The following KAT6A variants were observed in gnomAD, a reference collection of about 807,000 sequenced individuals.
The protein encoded by KAT6A is lysine acetyltransferase 6A.
Under a neutral mutation model 198.4 loss-of-function variants are expected in KAT6A, and 9 were observed. The observed-to-expected ratio is 0.05, with a 90% confidence interval of 0.03 to 0.08. The LOEUF (loss-of-function observed/expected upper bound fraction) is 0.08. Among genes scored for constraint, KAT6A ranks in the 10% least tolerant of loss-of-function variants. The pLI, the probability that KAT6A is intolerant of heterozygous loss-of-function variation, is 1.00. For missense variants in KAT6A, 2,077 were observed against 2,509.9 expected, an observed-to-expected ratio of 0.83 and a Z score of 3.69; for synonymous variants, 890 against 883.0, an observed-to-expected ratio of 1.01 and a Z score of -0.14.
chr8:41,939,685 C>T (rs188799668), intron 15 of KAT6A, among the ~76,000 whole-genome samples: 1 of 152,290 alleles, frequency 6.6e-6, no homozygotes, highest in African/African-American at 2.4e-5. Context: ...ACCAGTCATT[C>T]TCAAAACTAT....
intron 2 of KAT6A, among the ~76,000 whole-genome samples, chr8:42,019,416 C>T (rs76335446): frequency 0.11 from 17,233 of 152,106 alleles, 1,244 homozygotes; most frequent in East Asian, 0.25. Context: ...CATTAGTAAA[C>T]TGCACTGCAG....
At chr8:42,031,079 T>G (rs532761445) in intron 2 of KAT6A, among the ~76,000 whole-genome samples, 1 of 149,184 alleles carries the variant, frequency 6.7e-6, no homozygotes, top group African/African-American at 2.5e-5. Flanking sequence ...AAGTGATCAT[T>G]TGTATACACA....
chr8:41,943,983 A>C lies in KAT6A; in HGVS notation c.1997-4T>G. ...TCACGCTTTGATAACAAATAACCTA[A>C]AGAATCACAAATAACTCAAATCAGA... On this transcript the variant is annotated splice_polypyrimidine_tract_variant and splice_region_variant and intron_variant, in intron 12 of 16. Coordinates refer to ENST00000265713, the MANE Select transcript of KAT6A (RefSeq NM_006766.5). The C allele has an allele frequency of 1.9e-6, 3 of 1,602,870 alleles. No homozygotes were observed. The highest frequency in any genetic ancestry group is 2.6e-6 in the Non-Finnish European group (3 of 1,170,544).
Position 42,007,961 on chromosome 8 carries a change from CA to C in KAT6A, c.601-20399del, listed in dbSNP as rs988491987. ...TGGGCGACAGAGCGAGACTCCGTCT[CA>C]AAAAAAAAAAAAAAAAAAAAAAAAA... On this transcript the variant is annotated intron_variant, in intron 2 of 16. Transcript: ENST00000265713. 7.4e-3 allele frequency among the ~76,000 whole-genome samples: 316 copies of C among 42,882 alleles called. 1 individual carries two copies. Among genetic ancestry groups the C allele is most frequent in the South Asian group, 0.018 (25 of 1,366 alleles). The allele number at this position is 42,882 out of a possible 152,430, so 28.1% of individuals were successfully genotyped here.
intron 8 of KAT6A, among the ~76,000 whole-genome samples, chr8:41,961,125 A>G (rs1823184613): frequency 6.6e-6 from 1 of 152,122 alleles, no homozygotes; most frequent in Non-Finnish European, 1.5e-5. Context: ...CAAGCCTCCA[A>G]CACTGCTTAC....
At chr8:42,006,774 T>C (rs1021881513) in intron 2 of KAT6A, among the ~76,000 whole-genome samples, 4 of 152,070 alleles carry the variant, frequency 2.6e-5, no homozygotes, top group African/African-American at 7.2e-5. Context: ...GGTGGGCGGA[T>C]CACCTGAGGT....
intron 8 of KAT6A, among the ~76,000 whole-genome samples, chr8:41,965,787 A>T (rs1319289727): frequency 6.6e-6 from 1 of 152,124 alleles, no homozygotes; most frequent in East Asian, 1.9e-4. Context: ...TAGTAACAAG[A>T]TGTCAGTTTC....
intron 8 of KAT6A, among the ~76,000 whole-genome samples, chr8:41,965,738 T>C (rs1823444866): frequency 6.6e-6 from 1 of 152,176 alleles, no homozygotes; most frequent in South Asian, 2.1e-4. Flanking sequence ...ATACACTGAA[T>C]TACTAGTATT....
intron 2 of KAT6A, among the ~76,000 whole-genome samples, chr8:41,991,208 T>C (rs138095271): frequency 6.0e-4 from 92 of 152,296 alleles, no homozygotes; most frequent in African/African-American, 2.2e-3. Flanking sequence ...AGAGCAGCAT[T>C]ATTCATAATA....
chr8:42,008,882 T>C (rs1434187257), intron 2 of KAT6A, among the ~76,000 whole-genome samples: 5 of 152,188 alleles, frequency 3.3e-5, no homozygotes, highest in Admixed American at 6.5e-5. Flanking sequence ...AGAAAGTCTA[T>C]ATATAGAAGA....
rs1400297898 is a variant in KAT6A at position 41,957,392 on chromosome 8, G to A, written c.1483-1981C>T. On this transcript the variant is annotated intron_variant, in intron 8 of 16. Coordinates refer to ENST00000265713, the MANE Select transcript of KAT6A (RefSeq NM_006766.5). The stretch of plus-strand genomic sequence containing the variant: ...ACAGGGAGGAAGAAATGGCTACACA[G>A]AAACCACTCATTCCAGTCCTAGCCA... 22 of 446,280 alleles carry A rather than the reference G, an allele frequency of 4.9e-5. 1 individual carries two copies. Among genetic ancestry groups the A allele is most frequent in the South Asian group, 3.6e-4 (20 of 56,134 alleles). The allele number at this position is 446,280 out of a possible 1,614,324, so 27.6% of individuals were successfully genotyped here.
At position 41,981,954 on chromosome 8, in the gene KAT6A, C is replaced by G; in HGVS notation, c.710G>C (p.Gly237Ala). The G allele has an allele frequency of 6.4e-7, 1 of 1,573,502 alleles. No homozygotes were observed. Among genetic ancestry groups the G allele is most frequent in the Non-Finnish European group, 8.7e-7 (1 of 1,143,642 alleles). ...LISCADCGNS[G>A]HPSCLKFSPE... is the part of the protein sequence containing the mutation. ...GGAAAACTTTAAACAGGATGGATGG[C>G]CTAATACGAGGGAGAACATTCATGA... The change falls in exon 4 of 17, where the codon GGC (glycine) becomes GCC (alanine). Residue 237 changes from glycine to alanine, a missense_variant and splice_region_variant. This residue lies in a region of KAT6A where 89 missense variants were observed against 154.4 expected (regional missense o/e 0.58). Coordinates refer to ENST00000265713, the MANE Select transcript of KAT6A (RefSeq NM_006766.5).
intron 2 of KAT6A, among the ~76,000 whole-genome samples, chr8:42,024,926 T>C (rs1459148012): frequency 6.6e-6 from 1 of 152,198 alleles, no homozygotes; most frequent in African/African-American, 2.4e-5. Context: ...AAGTATCCCT[T>C]TGATATGCTG....
rs921512375 is a variant in KAT6A at position 42,030,774 on chromosome 8, C to G, written c.600+17604G>C. Among the ~76,000 whole-genome samples, 3 of 151,852 alleles carry G rather than the reference C, an allele frequency of 2.0e-5. No homozygotes were observed. In the South Asian group the frequency reaches 6.2e-4, roughly 32 times the overall value. On this transcript the variant is annotated intron_variant, in intron 2 of 16. Coordinates refer to ENST00000265713, the MANE Select transcript of KAT6A (RefSeq NM_006766.5). ...TGTATTTTTAGTAGAGACAGGGTTTCACCATGTTGGTCAGGCTGGACTTGA... is the reference window on the plus strand; with the variant it reads ...TGTATTTTTAGTAGAGACAGGGTTTGACCATGTTGGTCAGGCTGGACTTGA...
At chr8:41,959,102 A>C (rs1823065184) in intron 8 of KAT6A, among the ~76,000 whole-genome samples, 1 of 151,004 alleles carries the variant, frequency 6.6e-6, no homozygotes. Context: ...CAGAGCTTGC[A>C]ATGAGCCCAG....
chr8:41,958,282 T>G (rs961261252), intron 8 of KAT6A: 3 of 152,264 alleles, frequency 2.0e-5, no homozygotes, highest in African/African-American at 4.8e-5. Flanking sequence ...GACTCTGACC[T>G]GAGCCTTATG....
chr8:42,048,345 C>T lies in KAT6A; in HGVS notation c.600+33G>A, dbSNP rs377026464. 8 of 1,600,288 alleles carry T rather than the reference C, an allele frequency of 5.0e-6. No individual in the cohort carries two copies. In the African/African-American group the frequency reaches 8.1e-5, roughly 16 times the overall value. ...AATTTGTAGCATCCTATATCATCAG[C>T]TCTATAAACCCCGAAGCATATGCCA... On this transcript the variant is annotated intron_variant, in intron 2 of 16. Transcript: ENST00000265713.
chr8:42,046,183 T>C lies in KAT6A; in HGVS notation c.600+2195A>G, dbSNP rs560389745. On this transcript the variant is annotated intron_variant, in intron 2 of 16. Transcript: ENST00000265713. ...AAAATATGCTCAAATGACATTTTTA[T>C]ATAGCTAATATTTTTTAAAATTATC... Among the ~76,000 whole-genome samples the C allele has an allele frequency of 6.4e-4, 97 of 152,322 alleles. 1 individual carries two copies. Among genetic ancestry groups the C allele is most frequent in the Middle Eastern group, 6.8e-3 (2 of 294 alleles).
At chr8:41,996,565 T>C (rs1587801758) in intron 2 of KAT6A, among the ~76,000 whole-genome samples, 1 of 152,156 alleles carries the variant, frequency 6.6e-6, no homozygotes. Context: ...CGGAAGGTAA[T>C]TGGGCCATGA....
Sources: gnomAD v4.1 joint callset for allele counts (sites outside exome capture counted in the v4.1 genomes callset) on GRCh38, gnomAD v4.1.1 for gene constraint, gnomAD v4.1.1 regional missense constraint, MANE v1.5 for transcripts, NCBI Gene and HGNC (gene_info 2026-07-23, HGNC 2026-07-21) for gene names.